ABCA13: variants seen among roughly 807,000 people sequenced by gnomAD.
ABCA13 encodes ATP-binding cassette sub-family A member 13.
In ABCA13, 476 loss-of-function variants were observed where a neutral mutation model predicts 478.7. The ratio of observed to expected loss-of-function variants is 0.99; its 90% confidence interval spans 0.92 to 1.07. The LOEUF (loss-of-function observed/expected upper bound fraction) is 1.07. ABCA13 is among the 50% of genes least tolerant of loss of function. The pLI is 0.00. For missense variants in ABCA13, 6,060 were observed against 5,910.6 expected, an observed-to-expected ratio of 1.03 and a Z score of -0.83; for synonymous variants, 2,252 against 2,158.9, an observed-to-expected ratio of 1.04 and a Z score of -1.20.
chr7:48,487,324 CAAAACAAAACA>C lies in ABCA13; in HGVS notation c.13183-1907_13183-1897del, dbSNP rs1829415870. ...ACTGTGTCTCAAAAAAAAAACAAAA[CAAAACAAAACA>C]AAAAAAACAAACAAACACAAACAGA... On this transcript the variant is annotated intron_variant, in intron 47 of 61. Transcript: ENST00000435803. Among the ~76,000 whole-genome samples the C allele has an allele frequency of 2.2e-5, 3 of 138,798 alleles. No individual in the cohort carries two copies. The Admixed American group carries it at 2.2e-4, about 10-fold the overall frequency. The allele number at this position is 138,798 out of a possible 152,430, so 91.1% of individuals were successfully genotyped here. A position where few individuals can be genotyped will look rare whatever the true frequency, so the allele number is the denominator to read the frequency against.
intron 42 of ABCA13, among the ~76,000 whole-genome samples, chr7:48,451,826 A>T (rs1825076886): frequency 6.6e-6 from 1 of 152,200 alleles, no homozygotes; most frequent in South Asian, 2.1e-4. Context: ...ACCAAAAGAA[A>T]AATTCTTTGG....
chr7:48,505,081 G>A (rs1277679160), intron 48 of ABCA13, among the ~76,000 whole-genome samples: 2 of 152,190 alleles, frequency 1.3e-5, no homozygotes, highest in Admixed American at 1.3e-4. Flanking sequence ...GCCTGGACCA[G>A]AATATCTGGA....
At chr7:48,528,073 A>G (rs182767251) in intron 54 of ABCA13, among the ~76,000 whole-genome samples, 163 bp from the exon 55 acceptor site, 2 of 152,206 alleles carry the variant, frequency 1.3e-5, no homozygotes, top group Non-Finnish European at 2.9e-5. Flanking sequence ...TTTATACACT[A>G]TTGTCATTTT....
intron 3 of ABCA13, among the ~76,000 whole-genome samples, chr7:48,201,921 T>C: frequency 6.6e-6 from 1 of 152,024 alleles, no homozygotes; most frequent in East Asian, 1.9e-4. Flanking sequence ...TCTGGTGGGT[T>C]CGTGGTCTCG....
intron 15 of ABCA13, among the ~76,000 whole-genome samples, chr7:48,252,464 G>A (rs1279487780): frequency 1.3e-5 from 2 of 152,136 alleles, no homozygotes; most frequent in African/African-American, 4.8e-5. Context: ...TACATACCTG[G>A]AGTATACGGT....
In ABCA13 at chr7:48,274,095, G is replaced by A. The variant is rs925443218; in HGVS notation, c.4429G>A (p.Val1477Ile). 2.5e-6 allele frequency: 4 copies of A among 1,606,578 alleles called. No individual in the cohort carries two copies. The highest frequency in any genetic ancestry group is 3.4e-5 in the Admixed American group (2 of 59,258). ...TDFLNIVLTT[V>I]FEKEKKPKFE... ...CTTTCTAAATATTGTACTTACTACAGTCTTTGAAAAAGAGAAGAAACCTAA... is the reference window on the plus strand; with the variant it reads ...CTTTCTAAATATTGTACTTACTACAATCTTTGAAAAAGAGAAGAAACCTAA... Residue 1477 changes from valine (V) to isoleucine (I), a missense_variant, in exon 17 of 62, where the codon GTC (valine) becomes ATC (isoleucine). By Grantham distance (29) the Val-to-Ile change is conservative. Coordinates refer to ENST00000435803, the MANE Select transcript of ABCA13 (RefSeq NM_152701.5).
chr7:48,304,101 A>T (rs759547457), intron 23 of ABCA13, among the ~76,000 whole-genome samples: 1 of 152,210 alleles, frequency 6.6e-6, no homozygotes, highest in Non-Finnish European at 1.5e-5. Flanking sequence ...AATCTTTTGG[A>T]TAATCCATGA....
At chr7:48,509,491 C>G (rs1260051002) in intron 50 of ABCA13, among the ~76,000 whole-genome samples, 1 of 152,118 alleles carries the variant, frequency 6.6e-6, no homozygotes, top group Non-Finnish European at 1.5e-5. Flanking sequence ...TCTCCAAAAC[C>G]CCAGGATCTT....
chr7:48,300,726 C>T (rs1479300945), intron 23 of ABCA13, among the ~76,000 whole-genome samples: 4 of 152,172 alleles, frequency 2.6e-5, no homozygotes, highest in Non-Finnish European at 5.9e-5. Flanking sequence ...GGCACCCACC[C>T]ATGGGAATTT....
rs1222592079 is a variant in ABCA13, at chr7:48,580,204, T to C, written c.14355-20T>C. ...GTTTGGGAAACTGCTGTTCTCAGCC[T>C]GTGCTGCTTCTCTCTGCAGAGACGC... On this transcript the variant is annotated intron_variant, in intron 55 of 61. Coordinates refer to ENST00000435803, the MANE Select transcript of ABCA13 (RefSeq NM_152701.5). 6.3e-7 allele frequency: 1 copy of C among 1,592,080 alleles called. No homozygotes were observed. Among genetic ancestry groups the C allele is most frequent in the African/African-American group, 1.3e-5 (1 of 74,582 alleles).
At chr7:48,430,270 T>G (rs895038854) in intron 42 of ABCA13, among the ~76,000 whole-genome samples, 2 of 152,352 alleles carry the variant, frequency 1.3e-5, no homozygotes, top group East Asian at 3.9e-4. Flanking sequence ...TTCAGTGTTT[T>G]ATGTCTTTCT....
chr7:48,400,711 G>A (rs1017459471), intron 38 of ABCA13, among the ~76,000 whole-genome samples: 1 of 152,214 alleles, frequency 6.6e-6, no homozygotes, highest in Non-Finnish European at 1.5e-5. Flanking sequence ...CTTTGCAATG[G>A]GGTTCTCTTC....
intron 59 of ABCA13, chr7:48,626,459 C>G (rs1339673314): frequency 8.1e-6 from 2 of 245,722 alleles, no homozygotes; most frequent in Non-Finnish European, 1.3e-5. Flanking sequence ...GCGGCATAAA[C>G]TTGAAGGGAA....
At chr7:48,451,083 C>T (rs1265214108) in intron 42 of ABCA13, among the ~76,000 whole-genome samples, 9 of 150,900 alleles carry the variant, frequency 6.0e-5, no homozygotes, top group South Asian at 2.1e-4. Context: ...CTGCAACCTC[C>T]GCCTCCCTGT....
chr7:48,216,298 G>A (rs574360452), intron 3 of ABCA13, among the ~76,000 whole-genome samples: 3 of 152,210 alleles, frequency 2.0e-5, no homozygotes, highest in Admixed American at 6.5e-5. Flanking sequence ...GTGGATATAA[G>A]GAGTTATCCC....
intron 24 of ABCA13, among the ~76,000 whole-genome samples, chr7:48,311,917 C>G (rs6971810): frequency 0.74 from 112,751 of 152,134 alleles, 42,617 homozygotes; most frequent in East Asian, 0.99. Flanking sequence ...AATCTGGTCT[C>G]TTGGAGCTGC....
At chr7:48,221,847 A>G (rs1787402073) in intron 5 of ABCA13, among the ~76,000 whole-genome samples, 1 of 152,246 alleles carries the variant, frequency 6.6e-6, no homozygotes, top group African/African-American at 2.4e-5. Context: ...AGCTTCTACA[A>G]CAAAGAATCA....
At chr7:48,407,250 G>A (rs1818385943) in intron 39 of ABCA13, among the ~76,000 whole-genome samples, 1 of 152,044 alleles carries the variant, frequency 6.6e-6, no homozygotes. Flanking sequence ...GAGAGAAGTG[G>A]ATCACCTGAG....
intron 50 of ABCA13, among the ~76,000 whole-genome samples, chr7:48,510,765 TCTC>T (rs1366019690): frequency 1.3e-5 from 2 of 152,072 alleles, no homozygotes; most frequent in Non-Finnish European, 2.9e-5. Flanking sequence ...TGCATCCTGA[TCTC>T]CTCTAGAGAC....
Sources: gnomAD v4.1 joint callset for allele counts (sites outside exome capture counted in the v4.1 genomes callset) on GRCh38, gnomAD v4.1.1 for gene constraint, MANE v1.5 for transcripts, NCBI Gene and HGNC (gene_info 2026-07-23, HGNC 2026-07-21) for gene names.